The following TRAPPC9 variants were observed in gnomAD, a reference collection of about 807,000 sequenced individuals.
The protein encoded by TRAPPC9 is IKK2 binding protein.
Under a neutral mutation model 124.0 loss-of-function variants are expected in TRAPPC9, and 83 were observed. The observed-to-expected ratio is 0.67, with a 90% CI of 0.56 to 0.80. The LOEUF is 0.80. Ranked by LOEUF, TRAPPC9 falls within the 30% of genes least tolerant of loss-of-function variation. The pLI is 0.00. For synonymous variants in TRAPPC9, 638 were observed against 617.5 expected (o/e 1.03, Z -0.49); for missense variants, 1,302 against 1,508.3 (o/e 0.86, Z 2.27).
chr8:140,079,620 G>A (rs898640366), intron 17 of TRAPPC9, among the ~76,000 whole-genome samples: 3 of 152,132 alleles, frequency 2.0e-5, no homozygotes, highest in South Asian at 2.1e-4. Flanking sequence ...CAACAAAAAC[G>A]TCTAATTGTG....
intron 9 of TRAPPC9, among the ~76,000 whole-genome samples, chr8:140,332,820 T>C (rs2066929270): frequency 6.6e-6 from 1 of 152,138 alleles, no homozygotes. Context: ...CAGAATTATA[T>C]TTACAAAATA....
chr8:140,448,022 G>A (rs2132685260), intron 2 of TRAPPC9, among the ~76,000 whole-genome samples: 1 of 152,096 alleles, frequency 6.6e-6, no homozygotes, highest in Admixed American at 6.6e-5. Flanking sequence ...GCGCACGCCT[G>A]TAATCCCAGC....
intron 18 of TRAPPC9, among the ~76,000 whole-genome samples, chr8:140,011,535 C>T (rs1170476789): frequency 2.4e-5 from 3 of 126,956 alleles, no homozygotes; most frequent in East Asian, 2.3e-4. Context: ...GACGGAGTCT[C>T]ACTCCGTCAC....
chr8:140,272,454 T>C (rs2064978701), intron 15 of TRAPPC9, among the ~76,000 whole-genome samples: 1 of 151,604 alleles, frequency 6.6e-6, no homozygotes, highest in South Asian at 2.1e-4. Context: ...GTGCTGGTGA[T>C]GGCAGTGGTA....
intron 19 of TRAPPC9, among the ~76,000 whole-genome samples, chr8:139,930,605 C>A (rs1039487382): frequency 6.6e-6 from 1 of 152,246 alleles, no homozygotes; most frequent in Non-Finnish European, 1.5e-5. Flanking sequence ...CAAAGGCCAT[C>A]TTGATCCTTC....
Position 140,182,735 on chromosome 8 carries a change from C to T in TRAPPC9, c.2556+38724G>A, listed in dbSNP as rs1219920074. Reference sequence around the variant, plus strand: ...AATACAGCCTCTTGGCAATCATGACCCTCTTGACCTGGCCTTGACCTATTA... The same window carrying T: ...AATACAGCCTCTTGGCAATCATGACTCTCTTGACCTGGCCTTGACCTATTA... On this transcript the variant is annotated intron_variant, in intron 17 of 22. Transcript: ENST00000438773. The surrounding 1 kb of genome is among the most constrained non-coding windows in gnomAD (Gnocchi z 4.0). Among the ~76,000 whole-genome samples the T allele has an allele frequency of 1.3e-5, 2 of 152,060 alleles. No homozygotes were observed. The highest frequency in any genetic ancestry group is 2.9e-5 in the Non-Finnish European group (2 of 68,006).
At chr8:140,157,137 G>GAAGCCTCCCTTTTCCATTCAA (rs2061660199) in intron 17 of TRAPPC9, among the ~76,000 whole-genome samples, 2 of 54,762 alleles carry the variant, frequency 3.7e-5, no homozygotes, top group Admixed American at 2.2e-4. Context: ...TTTCCATTCA[G>GAAGCCTCCCTTTTCCATTCAA]AAGCCTCCCT....
intron 11 of TRAPPC9, among the ~76,000 whole-genome samples, chr8:140,299,398 G>A (rs2065902528): frequency 6.6e-6 from 1 of 152,344 alleles, no homozygotes; most frequent in African/African-American, 2.4e-5. Flanking sequence ...GAAAAGCATG[G>A]TGGAAAAAGG....
intron 9 of TRAPPC9, among the ~76,000 whole-genome samples, chr8:140,335,331 G>T (rs983575994): frequency 6.6e-6 from 1 of 152,136 alleles, no homozygotes; most frequent in Non-Finnish European, 1.5e-5. Context: ...TCATGACCAC[G>T]ATGGGAAGAG....
At chr8:140,001,376 C>A (rs1247050269) in intron 18 of TRAPPC9, among the ~76,000 whole-genome samples, 1 of 136,742 alleles carries the variant, frequency 7.3e-6, no homozygotes, top group Non-Finnish European at 1.6e-5. Context: ...TACTCTAGAA[C>A]TTAAAGTATA....
At chr8:139,959,556 G>T (rs535990341) in intron 19 of TRAPPC9, among the ~76,000 whole-genome samples, 2 of 152,296 alleles carry the variant, frequency 1.3e-5, no homozygotes, top group East Asian at 1.9e-4. Context: ...GAAGAGCACT[G>T]CCAGGGTCCA....
At chr8:140,348,084 G>A (rs2067405379) in intron 9 of TRAPPC9, among the ~76,000 whole-genome samples, 1 of 152,230 alleles carries the variant, frequency 6.6e-6, no homozygotes, top group Non-Finnish European at 1.5e-5. Flanking sequence ...AAAAATGTCA[G>A]TCAAAGGTGC....
chr8:140,200,633 A>G (rs1364183192), intron 17 of TRAPPC9, among the ~76,000 whole-genome samples: 1 of 152,166 alleles, frequency 6.6e-6, no homozygotes, highest in Admixed American at 6.5e-5. Context: ...TCTACAAAAT[A>G]TCTGACCGGC....
At chr8:140,041,688 T>C (rs1841284630) in intron 17 of TRAPPC9, among the ~76,000 whole-genome samples, 1 of 152,210 alleles carries the variant, frequency 6.6e-6, no homozygotes, top group African/African-American at 2.4e-5. Context: ...TTCCAGCTTC[T>C]GGGCCAAGCG....
At chr8:140,055,639 C>A (rs1374971428) in intron 17 of TRAPPC9, among the ~76,000 whole-genome samples, 1 of 152,184 alleles carries the variant, frequency 6.6e-6, no homozygotes, top group Non-Finnish European at 1.5e-5. Flanking sequence ...GCTATCAGAA[C>A]TGCTAAACAA....
intron 12 of TRAPPC9, among the ~76,000 whole-genome samples, chr8:140,289,831 C>T (rs562792246): frequency 5.9e-5 from 9 of 152,338 alleles, no homozygotes; most frequent in South Asian, 4.1e-4. Flanking sequence ...GGTCAGTCCT[C>T]GCCCAACAGG....
chr8:140,173,804 C>T (rs1033574709), intron 17 of TRAPPC9, among the ~76,000 whole-genome samples: 1 of 152,176 alleles, frequency 6.6e-6, no homozygotes, highest in African/African-American at 2.4e-5. Context: ...ACGGAAATAT[C>T]AGAGACAGCA....
chr8:139,932,403 T>C (rs374203050), intron 19 of TRAPPC9: 11 of 457,904 alleles, frequency 2.4e-5, no homozygotes, highest in East Asian at 1.4e-4. Flanking sequence ...CACCACGTGG[T>C]ATGGCTCCCT....
At chr8:139,990,294 A>G (rs1837542409) in intron 18 of TRAPPC9, among the ~76,000 whole-genome samples, 2 of 152,218 alleles carry the variant, frequency 1.3e-5, no homozygotes, top group Admixed American at 6.5e-5. Flanking sequence ...TGCTGCTGTG[A>G]TGCCCGAGGC....
Sources: gnomAD v4.1 joint callset for allele counts (sites outside exome capture counted in the v4.1 genomes callset) on GRCh38, gnomAD v4.1.1 for gene constraint, Gnocchi (gnomAD v3.1) non-coding constraint, MANE v1.5 for transcripts, NCBI Gene and HGNC (gene_info 2026-07-23, HGNC 2026-07-21) for gene names.